The following HTR2C variants were observed in gnomAD, a reference collection of about 807,000 sequenced individuals.
HTR2C encodes the protein 5-hydroxytryptamine (serotonin) receptor 2C, G protein-coupled.
In HTR2C, 5 loss-of-function variants were observed where a neutral mutation model predicts 21.0. That is an observed-to-expected ratio of 0.24 (90% CI 0.12 to 0.50). The LOEUF (loss-of-function observed/expected upper bound fraction) is 0.50. Among genes scored for constraint, HTR2C ranks in the 20% least tolerant of loss-of-function variants. The pLI, the probability that HTR2C is intolerant of heterozygous loss-of-function variation, is 0.98. For synonymous variants in HTR2C, 150 were observed against 145.3 expected (o/e 1.03, Z -0.23); for missense variants, 271 against 371.2 (o/e 0.73, Z 2.22).
intron 1 of HTR2C, among the ~76,000 whole-genome samples, chrX:114,605,117 G>A (rs1284695143): frequency 9.0e-6 from 1 of 111,401 alleles, no homozygotes; most frequent in African/African-American, 3.3e-5. Context: ...TATATTTGAT[G>A]AAAAAGAGCC....
At chrX:114,901,328 C>T (rs901521217) in intron 5 of HTR2C, among the ~76,000 whole-genome samples, 2 of 111,762 alleles carry the variant, frequency 1.8e-5, no homozygotes, top group Non-Finnish European at 3.8e-5. Context: ...AACTAATGGG[C>T]TTTTAAGAGG....
chrX:114,693,564 G>A lies in HTR2C; in HGVS notation c.-79-33294G>A, dbSNP rs782550416. Among the ~76,000 whole-genome samples, 3 of 111,574 alleles carry A rather than the reference G, an allele frequency of 2.7e-5. No individual in the cohort carries two copies. The South Asian group carries it at 1.1e-3, about 43-fold the overall frequency. ...TTGGGCCAAATGTTTCTTTGTTGTG[G>A]AGGGTTGTCCTGTGCACTGCAGGTT... On this transcript the variant is annotated intron_variant, in intron 2 of 5. Coordinates refer to ENST00000276198, the MANE Select transcript of HTR2C (RefSeq NM_000868.4).
chrX:114,785,013 A>G (rs146935131), intron 4 of HTR2C, among the ~76,000 whole-genome samples: 88 of 111,852 alleles, frequency 7.9e-4, no homozygotes, highest in African/African-American at 2.6e-3. Context: ...CAAAGACTGT[A>G]TTTACCAATA....
At chrX:114,711,469 A>G (rs1328689963) in intron 2 of HTR2C, among the ~76,000 whole-genome samples, 1 of 111,702 alleles carries the variant, frequency 9.0e-6, no homozygotes, top group Non-Finnish European at 1.9e-5. Flanking sequence ...ATTCTTACTT[A>G]AGAAAAAATT....
At chrX:114,585,837 G>A (rs1927367062) in intron 1 of HTR2C, among the ~76,000 whole-genome samples, 1 of 109,954 alleles carries the variant, frequency 9.1e-6, no homozygotes, top group South Asian at 4.0e-4. Flanking sequence ...GAGCCACTAA[G>A]TGCATATGCC....
In HTR2C at chrX:114,643,784, T is replaced by C. The variant is rs139129334; in HGVS notation, c.-80+29903T>C. Among the ~76,000 whole-genome samples, 191 of 111,915 alleles carry C rather than the reference T, an allele frequency of 1.7e-3. 1 individual carries two copies. Among genetic ancestry groups the C allele is most frequent in the African/African-American group, 6.1e-3 (187 of 30,794 alleles). ...GAAACAAAAAGTTTCTCTTAGTTTT[T>C]AGTCTTGTAGAGAAAAAACAATCCC... On this transcript the variant is annotated intron_variant, in intron 2 of 5. Transcript: ENST00000276198.
At chrX:114,870,097 T>TTA (rs1352327590) in intron 5 of HTR2C, among the ~76,000 whole-genome samples, 7 of 91,305 alleles carry the variant, frequency 7.7e-5, no homozygotes, top group African/African-American at 5.0e-4. Flanking sequence ...ATTATTATTA[T>TTA]TTTTTTTGAG....
At chrX:114,797,027 C>T (rs1258934487) in intron 4 of HTR2C, among the ~76,000 whole-genome samples, 2 of 111,795 alleles carry the variant, frequency 1.8e-5, no homozygotes, top group Non-Finnish European at 3.8e-5. Flanking sequence ...ATAATTCATG[C>T]TGGTAAGGTT....
intron 1 of HTR2C, among the ~76,000 whole-genome samples, chrX:114,612,465 T>C (rs1306859279): frequency 8.9e-6 from 1 of 112,287 alleles, no homozygotes; most frequent in Non-Finnish European, 1.9e-5. Flanking sequence ...TGCAAAAATA[T>C]AGCTGGCTAA....
Position 114,805,649 on chromosome X carries a change from C to T in HTR2C, c.350-42354C>T, listed in dbSNP as rs1159899808. ...ACCATATATATACCATATATATACA[C>T]CATATATATACCATATATATACACC... On this transcript the variant is annotated intron_variant, in intron 4 of 5. Coordinates refer to ENST00000276198, the MANE Select transcript of HTR2C (RefSeq NM_000868.4). Among the ~76,000 whole-genome samples the T allele has an allele frequency of 2.2e-4, 5 of 22,732 alleles. 1 individual carries two copies. Among genetic ancestry groups the T allele is most frequent in the Non-Finnish European group, 4.1e-4 (5 of 12,145 alleles). 19.7% of individuals were successfully genotyped at this position (22,732 alleles called of 115,157 possible).
chrX:114,601,565 G>A (rs781884043), intron 1 of HTR2C, among the ~76,000 whole-genome samples: 9 of 108,676 alleles, frequency 8.3e-5, no homozygotes, highest in Admixed American at 2.0e-4. Flanking sequence ...GGCAAGGACC[G>A]GCCGTTTACA....
chrX:114,851,001 A>G (rs1466990844), intron 5 of HTR2C, among the ~76,000 whole-genome samples: 1 of 111,789 alleles, frequency 8.9e-6, no homozygotes, highest in Non-Finnish European at 1.9e-5. Context: ...CTCCAGTGAA[A>G]GAAGATTACT....
chrX:114,799,413 G>A (rs2070324882), intron 4 of HTR2C, among the ~76,000 whole-genome samples: 2 of 109,547 alleles, frequency 1.8e-5, no homozygotes, highest in African/African-American at 3.3e-5. Context: ...CCCCTTGTGA[G>A]TTACAAAGAG....
intron 4 of HTR2C, among the ~76,000 whole-genome samples, chrX:114,742,195 A>G (rs2069655836): frequency 8.9e-6 from 1 of 111,809 alleles, no homozygotes; most frequent in South Asian, 3.8e-4. Flanking sequence ...ACCAGAAAGC[A>G]TGAAAGGGAA....
intron 4 of HTR2C, among the ~76,000 whole-genome samples, chrX:114,806,064 C>CCATATATAT (rs1556449245): frequency 1.1e-5 from 1 of 87,361 alleles, no homozygotes; most frequent in Non-Finnish European, 2.2e-5. Context: ...ACCATATATA[C>CCATATATAT]ACCATATATA....
At chrX:114,699,262 C>A (rs1006275491) in intron 2 of HTR2C, among the ~76,000 whole-genome samples, 1 of 111,826 alleles carries the variant, frequency 8.9e-6, no homozygotes, top group Admixed American at 9.5e-5. Context: ...TCCAATAACG[C>A]TGTAGCCTAA....
intron 2 of HTR2C, among the ~76,000 whole-genome samples, chrX:114,708,062 T>C (rs1556418638): frequency 9.0e-6 from 1 of 111,537 alleles, no homozygotes; most frequent in African/African-American, 3.2e-5. Context: ...AAAACATATA[T>C]TATCAGAGTT....
At chrX:114,728,787 T>C (rs1470052386) in intron 3 of HTR2C, among the ~76,000 whole-genome samples, 1 of 111,782 alleles carries the variant, frequency 8.9e-6, no homozygotes, top group African/African-American at 3.2e-5. Context: ...TTTGACATAA[T>C]TTTCTTCGTA....
At chrX:114,772,370 A>G (rs2070012969) in intron 4 of HTR2C, among the ~76,000 whole-genome samples, 1 of 108,633 alleles carries the variant, frequency 9.2e-6, no homozygotes, top group South Asian at 3.9e-4. Flanking sequence ...AATGACTCAA[A>G]TTAGGATATA....
Sources: allele counts gnomAD v4.1 joint callset (sites outside exome capture counted in the v4.1 genomes callset), GRCh38; gene constraint gnomAD v4.1.1; transcripts MANE v1.5; gene names NCBI Gene and HGNC (gene_info 2026-07-23, HGNC 2026-07-21).